Variants in INCENP observed in about 807,000 individuals in gnomAD.
INCENP encodes the protein inner centromere protein.
INCENP carries 43 observed loss-of-function variants against 107.3 expected under a neutral mutation model. The ratio of observed to expected loss-of-function variants is 0.40; its 90% CI spans 0.31 to 0.52. The LOEUF (loss-of-function observed/expected upper bound fraction) is 0.52. INCENP is among the 20% of genes least tolerant of loss of function. The pLI, the probability that INCENP is intolerant of heterozygous loss-of-function variation, is 0.53. For synonymous variants in INCENP, 488 were observed against 494.4 expected (o/e 0.99, Z 0.17); for missense variants, 1,089 against 1,250.9 (o/e 0.87, Z 1.95).
chr11:62,144,684 A>G lies in INCENP; in HGVS notation c.1606-298A>G, dbSNP rs1944198123. The G allele has an allele frequency of 5.9e-6, 4 of 680,380 alleles. 1 individual carries two copies. The highest frequency in any genetic ancestry group is 3.6e-5 in the Admixed American group (2 of 56,238). 42.1% of individuals were successfully genotyped at this position (680,380 alleles called of 1,614,324 possible). On this transcript the variant is annotated intron_variant, in intron 11 of 18. Transcript: ENST00000394818. ...CACAGTTTATGTAGTTGTCATTAGC[A>G]CATAAATCCTATTTGGAGCCTGACT... is the stretch of plus-strand genomic sequence containing the variant.
At chr11:62,150,841 A>G (rs1434539608) in intron 18 of INCENP, among the ~76,000 whole-genome samples, 1 of 152,174 alleles carries the variant, frequency 6.6e-6, no homozygotes, top group Non-Finnish European at 1.5e-5. Flanking sequence ...CGTGGGTACC[A>G]TGGGTGCCTT....
chr11:62,124,025 C>G lies in INCENP; in HGVS notation c.-150C>G, dbSNP rs1304204757. 1 of 152,256 alleles carries G rather than the reference C, an allele frequency of 6.6e-6. No individual in the cohort carries two copies. The highest frequency in any genetic ancestry group is 2.4e-5 in the African/African-American group (1 of 41,452). 9.4% of individuals were successfully genotyped at this position (152,256 alleles called of 1,614,324 possible). A position where few individuals can be genotyped will look rare whatever the true frequency, so the allele number is the denominator to read the frequency against. On this transcript the variant is annotated 5_prime_UTR_variant, in exon 1 of 19. Coordinates refer to ENST00000394818, the MANE Select transcript of INCENP (RefSeq NM_001040694.2). The stretch of plus-strand genomic sequence containing the variant: ...TTTTGAAAATCATAGTTTTCGCCCG[C>G]GCTGCGCCGCCTGGTTGCTCCTCCC...
chr11:62,141,755 T>C, intron 11 of INCENP: 1 of 600,888 alleles, frequency 1.7e-6, no homozygotes, highest in Non-Finnish European at 3.0e-6. Context: ...CAAGGGGGTG[T>C]GGCTTTTCAC....
chr11:62,137,970 G>A, intron 5 of INCENP, 87 bp downstream of exon 5: 1 of 1,216,056 alleles, frequency 8.2e-7, no homozygotes, highest in Non-Finnish European at 1.2e-6. Context: ...AGCAATTCCT[G>A]GGCTGAGTCT....
chr11:62,143,013 C>T (rs1222445404), intron 11 of INCENP, among the ~76,000 whole-genome samples: 1 of 138,134 alleles, frequency 7.2e-6, no homozygotes, highest in Non-Finnish European at 1.6e-5. Flanking sequence ...CCAGGGCCAC[C>T]TGCCAGGGGG....
intron 4 of INCENP, among the ~76,000 whole-genome samples, chr11:62,136,884 C>T (rs1944004916): frequency 6.6e-6 from 1 of 152,158 alleles, no homozygotes; most frequent in South Asian, 2.1e-4. Context: ...GGGAAAGTAA[C>T]ATTTTAGTAT....
chr11:62,142,994 C>T (rs1184207240), intron 11 of INCENP, among the ~76,000 whole-genome samples: 2 of 151,022 alleles, frequency 1.3e-5, no homozygotes, highest in Non-Finnish European at 3.0e-5. Flanking sequence ...TGTGCTTCTA[C>T]GACTGTGTCC....
intron 5 of INCENP, among the ~76,000 whole-genome samples, chr11:62,138,266 C>G (rs1944034823): frequency 6.6e-6 from 1 of 152,198 alleles, no homozygotes; most frequent in Non-Finnish European, 1.5e-5. Context: ...AGGCCGTGTC[C>G]TGCCATCACT....
At chr11:62,137,175 G>A (rs1385816022) in intron 4 of INCENP, among the ~76,000 whole-genome samples, 1 of 152,198 alleles carries the variant, frequency 6.6e-6, no homozygotes, top group African/African-American at 2.4e-5. Flanking sequence ...CCAACATGGT[G>A]AAACCCTGTC....
chr11:62,126,162 A>T (rs1456092001), intron 1 of INCENP, among the ~76,000 whole-genome samples: 3 of 151,244 alleles, frequency 2.0e-5, no homozygotes, highest in Admixed American at 2.0e-4. Context: ...CTTCCTTACA[A>T]GACCTTCCAT....
At chr11:62,131,284 T>A (rs1675061) in intron 4 of INCENP, among the ~76,000 whole-genome samples, 1 of 152,000 alleles carries the variant, frequency 6.6e-6, no homozygotes, top group Non-Finnish European at 1.5e-5. Flanking sequence ...GCCTGTCAAC[T>A]GGGGCTAATC....
At chr11:62,129,228 G>A (rs1943825356) in intron 3 of INCENP, among the ~76,000 whole-genome samples, 1 of 152,188 alleles carries the variant, frequency 6.6e-6, no homozygotes, top group Non-Finnish European at 1.5e-5. Flanking sequence ...CACGTGCCTT[G>A]TCCCAGCCGT....
In INCENP at chr11:62,128,823, G is replaced by A. The variant is rs772539906; in HGVS notation, c.194G>A (p.Arg65Gln). 39 of 1,614,012 alleles carry A rather than the reference G, an allele frequency of 2.4e-5. No homozygotes were observed. Among genetic ancestry groups the A allele is most frequent in the South Asian group, 6.6e-5 (6 of 91,088 alleles). The change falls in exon 3 of 19, where the codon CGA (arginine) becomes CAA (glutamine). Residue 65 changes from arginine to glutamine, a missense_variant. Physicochemically the swap from Arg to Gln is conservative, Grantham distance 43. Coordinates refer to ENST00000394818, the MANE Select transcript of INCENP (RefSeq NM_001040694.2). Reference protein sequence around the residue: ...LMPKTPSQKNRRKKRRISYVQ... With the variant: ...LMPKTPSQKNQRKKRRISYVQ... ...CCCAAAACACCTTCTCAGAAGAACC[G>A]ACGGAAGAAGAGACGGATTTCTTAT...
chr11:62,151,134 G>A (rs758792692), intron 18 of INCENP, among the ~76,000 whole-genome samples: 1 of 152,248 alleles, frequency 6.6e-6, no homozygotes, highest in Non-Finnish European at 1.5e-5. Context: ...AAAGGGGGGT[G>A]AAGACAAGAC....
At chr11:62,135,121 CA>C (rs1235834659) in intron 4 of INCENP, among the ~76,000 whole-genome samples, 2 of 152,016 alleles carry the variant, frequency 1.3e-5, no homozygotes, top group Non-Finnish European at 2.9e-5. Flanking sequence ...GGAGTATCTT[CA>C]TAGCTTTTTC....
At chr11:62,140,559 G>A in intron 8 of INCENP, 145 bp from the exon 9 acceptor site, 1 of 714,788 alleles carries the variant, frequency 1.4e-6, no homozygotes, top group Non-Finnish European at 2.4e-6. Flanking sequence ...TGAGTGGGCA[G>A]CAGAGGGTTG....
At chr11:62,126,941 T>A (rs1169483880) in intron 1 of INCENP, among the ~76,000 whole-genome samples, 1 of 152,158 alleles carries the variant, frequency 6.6e-6, no homozygotes, top group East Asian at 1.9e-4. Flanking sequence ...TTTCCACTGG[T>A]GGTTGATTGC....
At chr11:62,132,916 G>T (rs1202592994) in intron 4 of INCENP, among the ~76,000 whole-genome samples, 1 of 152,210 alleles carries the variant, frequency 6.6e-6, no homozygotes, top group East Asian at 1.9e-4. Flanking sequence ...CTGTGAAATG[G>T]TGATAACACT....
chr11:62,141,831 G>A (rs1412108383), intron 11 of INCENP: 6 of 492,610 alleles, frequency 1.2e-5, no homozygotes, highest in South Asian at 4.5e-5. Context: ...ACCAGGCCCC[G>A]TCAGGGTCTG....
Sources: allele counts gnomAD v4.1 joint callset (sites outside exome capture counted in the v4.1 genomes callset), GRCh38; gene constraint gnomAD v4.1.1; transcripts MANE v1.5; gene names NCBI Gene and HGNC (gene_info 2026-07-23, HGNC 2026-07-21).